The following MYO3B variants were observed in gnomAD, a reference collection of about 807,000 sequenced individuals.
The protein encoded by MYO3B is myosin IIIB.
In MYO3B, 156 loss-of-function variants were observed where a neutral mutation model predicts 174.6. The ratio of observed to expected loss-of-function variants is 0.89; its 90% CI spans 0.78 to 1.02. The LOEUF is 1.02. Ranked by LOEUF, MYO3B falls within the 50% of genes least tolerant of loss-of-function variation. The pLI is 0.00. For synonymous variants in MYO3B, 563 were observed against 569.1 expected (o/e 0.99, Z 0.15); for missense variants, 1,632 against 1,639.4 (o/e 1.00, Z 0.08).
At chr2:170,649,888 A>G (rs2105497023) in intron 32 of MYO3B, 1 of 151,396 alleles carries the variant, frequency 6.6e-6, no homozygotes, top group African/African-American at 2.4e-5. Context: ...ACCTATTGGA[A>G]CAAGAAGTAA....
intron 7 of MYO3B, among the ~76,000 whole-genome samples, chr2:170,331,770 G>A (rs1286718510): frequency 6.6e-6 from 1 of 152,192 alleles, no homozygotes; most frequent in Non-Finnish European, 1.5e-5. Flanking sequence ...TTCTTTGCTA[G>A]ATATCGGCTG....
intron 24 of MYO3B, 100 bp from the exon 25 acceptor site, chr2:170,466,406 G>A (rs1460839964): frequency 2.9e-6 from 3 of 1,046,900 alleles, no homozygotes; most frequent in African/African-American, 3.1e-5. Context: ...AAGAAGGTCT[G>A]TGAGCCTCGA....
chr2:170,227,996 G>A (rs963113140), intron 6 of MYO3B, among the ~76,000 whole-genome samples: 2 of 152,084 alleles, frequency 1.3e-5, no homozygotes, highest in Non-Finnish European at 2.9e-5. Flanking sequence ...AACATACTCT[G>A]GTGGAAATGG....
At chr2:170,218,116 A>C (rs1187096256) in intron 6 of MYO3B, among the ~76,000 whole-genome samples, 4 of 152,152 alleles carry the variant, frequency 2.6e-5, no homozygotes, top group Non-Finnish European at 5.9e-5. Context: ...ATGTCTTTCC[A>C]TCTCTGCATG....
intron 28 of MYO3B, among the ~76,000 whole-genome samples, chr2:170,508,053 G>A (rs990178955): frequency 6.6e-6 from 1 of 152,138 alleles, no homozygotes; most frequent in African/African-American, 2.4e-5. Context: ...GTGGGCTGGA[G>A]GTCCACTTGT....
chr2:170,344,987 TG>T (rs1267965926), intron 8 of MYO3B: 3 of 152,236 alleles, frequency 2.0e-5, no homozygotes, highest in African/African-American at 7.2e-5. Flanking sequence ...AGTGTGGCCA[TG>T]TTGACACCTT....
At chr2:170,361,565 C>T (rs896436433) in intron 8 of MYO3B, among the ~76,000 whole-genome samples, 4 of 152,168 alleles carry the variant, frequency 2.6e-5, no homozygotes, top group Non-Finnish European at 5.9e-5. Flanking sequence ...AGTTTGAAAG[C>T]GTAGCTTAAA....
intron 32 of MYO3B, among the ~76,000 whole-genome samples, chr2:170,636,952 T>TTGTG (rs1553545998): frequency 3.4e-5 from 3 of 89,104 alleles, no homozygotes; most frequent in South Asian, 4.0e-4. Flanking sequence ...GCATTTGCTT[T>TTGTG]TGTGCGTGTG....
chr2:170,575,468 A>G (rs1268582000), intron 32 of MYO3B, among the ~76,000 whole-genome samples: 2 of 152,214 alleles, frequency 1.3e-5, no homozygotes, highest in Non-Finnish European at 2.9e-5. Context: ...ATAAATAAAC[A>G]TGAATGTGGT....
intron 3 of MYO3B, among the ~76,000 whole-genome samples, chr2:170,212,555 G>A (rs193250280): frequency 1.2e-4 from 19 of 152,258 alleles, no homozygotes; most frequent in African/African-American, 4.6e-4. Flanking sequence ...CCACCAAAAC[G>A]GGGTTTTTGT....
chr2:170,291,713 G>GTTTGT (rs2093597509), intron 7 of MYO3B, among the ~76,000 whole-genome samples: 1 of 150,056 alleles, frequency 6.7e-6, no homozygotes, highest in Non-Finnish European at 1.5e-5. Flanking sequence ...TGGATGACAG[G>GTTTGT]TTTTTTTTAT....
intron 3 of MYO3B, among the ~76,000 whole-genome samples, chr2:170,210,233 T>G (rs2092756089): frequency 6.6e-6 from 1 of 152,234 alleles, no homozygotes; most frequent in Non-Finnish European, 1.5e-5. Context: ...CTTTTGAATT[T>G]AGTCAATCTG....
intron 22 of MYO3B, among the ~76,000 whole-genome samples, chr2:170,408,760 G>A (rs116509350): frequency 1.8e-3 from 254 of 144,468 alleles, no homozygotes; most frequent in Middle Eastern, 3.6e-3. Context: ...GCCTGGCTAA[G>A]AAAAAAAAAA....
chr2:170,398,913 T>C (rs1426532084), intron 16 of MYO3B, among the ~76,000 whole-genome samples: 1 of 152,090 alleles, frequency 6.6e-6, no homozygotes, highest in Non-Finnish European at 1.5e-5. Context: ...AATATCTATG[T>C]ATAGGAGGAC....
chr2:170,209,635 A>G (rs2092750702), intron 3 of MYO3B, among the ~76,000 whole-genome samples: 1 of 152,208 alleles, frequency 6.6e-6, no homozygotes, highest in African/African-American at 2.4e-5. Context: ...GACCAAAACA[A>G]GACAACAATT....
intron 23 of MYO3B, among the ~76,000 whole-genome samples, chr2:170,456,363 A>T (rs1180562138): frequency 1.3e-5 from 2 of 152,140 alleles, no homozygotes; most frequent in Non-Finnish European, 2.9e-5. Context: ...ATCACAGGTA[A>T]TTGTTTTCTT....
At chr2:170,491,824 G>A (rs1418924375) in intron 25 of MYO3B, among the ~76,000 whole-genome samples, 1 of 152,180 alleles carries the variant, frequency 6.6e-6, no homozygotes, top group African/African-American at 2.4e-5. Flanking sequence ...GAAGGCCGGG[G>A]TGGCAGATCA....
intron 12 of MYO3B, among the ~76,000 whole-genome samples, chr2:170,385,203 G>A (rs2094365125): frequency 6.6e-6 from 1 of 152,126 alleles, no homozygotes; most frequent in South Asian, 2.1e-4. Context: ...CACCAACTCA[G>A]AAGCTCTCTG....
chr2:170,466,892 C>G (rs926605858), intron 25 of MYO3B, among the ~76,000 whole-genome samples, 181 bp downstream of exon 25: 2 of 152,190 alleles, frequency 1.3e-5, no homozygotes, highest in Non-Finnish European at 2.9e-5. Flanking sequence ...CTGCAGTGAT[C>G]CAGCAGCCAG....
Sources: allele counts gnomAD v4.1 joint callset (sites outside exome capture counted in the v4.1 genomes callset), GRCh38; gene constraint gnomAD v4.1.1; transcripts MANE v1.5; gene names NCBI Gene and HGNC (gene_info 2026-07-23, HGNC 2026-07-21).